The following SLC2A9 variants were observed in gnomAD, a reference collection of about 807,000 sequenced individuals.
SLC2A9 encodes the protein solute carrier family 2, facilitated glucose transporter member 9.
A neutral mutation model predicts 50.6 loss-of-function variants in SLC2A9; 39 were observed. The ratio of observed to expected loss-of-function variants is 0.77; its 90% CI spans 0.60 to 1.01. The LOEUF is 1.01. Ranked by LOEUF, SLC2A9 falls within the 50% of genes least tolerant of loss-of-function variation. The pLI, the probability that SLC2A9 is intolerant of heterozygous loss-of-function variation, is 0.00. For synonymous variants in SLC2A9, 324 were observed against 276.9 expected, an observed-to-expected ratio of 1.17 and a Z score of -1.69; for missense variants, 686 against 677.6, an observed-to-expected ratio of 1.01 and a Z score of -0.14.
At chr4:9,847,572 G>A (rs766061952) in intron 10 of SLC2A9, among the ~76,000 whole-genome samples, 2 of 152,130 alleles carry the variant, frequency 1.3e-5, no homozygotes, top group East Asian at 1.9e-4. Context: ...GTGTTTGCTG[G>A]GAACGGACTA....
chr4:9,969,915 C>G (rs116585088), intron 5 of SLC2A9, among the ~76,000 whole-genome samples: 2,345 of 152,356 alleles, frequency 0.015, 31 homozygotes, highest in South Asian at 0.053. Context: ...CAAACCATAT[C>G]ACCTCTCATA....
intron 4 of SLC2A9, 124 bp downstream of exon 4, chr4:9,985,545 G>C (rs1423743783): frequency 7.6e-7 from 1 of 1,309,244 alleles, no homozygotes; most frequent in Non-Finnish European, 1.1e-6. Flanking sequence ...CAGCATCCTT[G>C]GTCCCTGCCA....
chr4:9,850,610 G>A (rs1055482878), intron 10 of SLC2A9, among the ~76,000 whole-genome samples: 2 of 152,006 alleles, frequency 1.3e-5, no homozygotes, highest in Admixed American at 6.6e-5. Context: ...TCAGACCATC[G>A]AAGAACTCTA....
At chr4:9,866,325 A>G (rs1732462619) in intron 10 of SLC2A9, among the ~76,000 whole-genome samples, 2 of 152,142 alleles carry the variant, frequency 1.3e-5, no homozygotes, top group South Asian at 2.1e-4. Context: ...CCAATATGTT[A>G]ATCCACACAA....
rs766206123 is a variant in SLC2A9, at chr4:9,826,438, C to T, written c.1582G>A (p.Asp528Asn). ...NKAYPPEEKI[D>N]SAVTDGKING... ...ATCTTACCATCAGTGACAGCTGAGT[C>T]GATTTTCTCTTCTGGTGGGTATGCT... Residue 528 changes from aspartate to asparagine, a missense_variant, in exon 12 of 12, where the codon GAC becomes AAC. Transcript: ENST00000264784. 1.1e-5 allele frequency: 17 copies of T among 1,614,044 alleles called. No homozygotes were observed. Among genetic ancestry groups the T allele is most frequent in the East Asian group, 6.7e-5 (3 of 44,872 alleles).
intron 10 of SLC2A9, among the ~76,000 whole-genome samples, chr4:9,868,690 AC>A (rs1459422635): frequency 2.6e-5 from 4 of 152,014 alleles, no homozygotes; most frequent in Non-Finnish European, 5.9e-5. Flanking sequence ...CACCCCAGGA[AC>A]CCCCATACCT....
intron 6 of SLC2A9, among the ~76,000 whole-genome samples, chr4:9,938,320 G>A (rs1336607542): frequency 2.1e-5 from 3 of 141,936 alleles, no homozygotes; most frequent in African/African-American, 8.0e-5. Context: ...TGCCCAGGCT[G>A]GAGTGCAGTG....
rs983451714 is a variant in SLC2A9, at chr4:9,894,175, G to T, written c.1114-3464C>A. ...TGTTATTTATACTACTGGGGAAATA[G>T]AAATAATCTAGAAATCCACCAACAA... On this transcript the variant is annotated intron_variant, in intron 8 of 11. Transcript: ENST00000264784. 7.9e-5 allele frequency among the ~76,000 whole-genome samples: 12 copies of T among 152,264 alleles called. No homozygotes were observed. In the East Asian group the frequency reaches 1.9e-3, roughly 24 times the overall value.
At chr4:10,021,586 A>AT, upstream of SLC2A9, 1 of 1,100,520 alleles carries the variant, frequency 9.1e-7, no homozygotes, top group Non-Finnish European at 1.3e-6. Context: ...ACGGGGCAAC[A>AT]TTTTTTTCTC....
At chr4:9,857,541 T>C (rs527401789) in intron 10 of SLC2A9, among the ~76,000 whole-genome samples, 122 of 152,288 alleles carry the variant, frequency 8.0e-4, no homozygotes, top group African/African-American at 2.8e-3. Context: ...GCAGAGGCTT[T>C]TGTTGGCTTT....
chr4:9,874,089 TG>T (rs769175201), intron 10 of SLC2A9, among the ~76,000 whole-genome samples: 16 of 152,206 alleles, frequency 1.1e-4, no homozygotes, highest in Non-Finnish European at 2.2e-4. Context: ...TGATGTCCCC[TG>T]AGGCCCTTTT....
intron 2 of SLC2A9, among the ~76,000 whole-genome samples, chr4:10,014,966 T>G (rs1045071459): frequency 1.3e-5 from 2 of 152,202 alleles, no homozygotes; most frequent in African/African-American, 2.4e-5. Flanking sequence ...TGGGGAATGA[T>G]TCTAGCTAAT....
downstream of SLC2A9, among the ~76,000 whole-genome samples, chr4:9,797,708 T>G (rs1405035983): frequency 2.0e-5 from 3 of 152,212 alleles, no homozygotes; most frequent in Non-Finnish European, 2.9e-5. Context: ...TCCTGAAAAC[T>G]TCTCTGATTC....
intron 6 of SLC2A9, among the ~76,000 whole-genome samples, chr4:9,922,517 T>C (rs768617636): frequency 3.3e-5 from 5 of 152,180 alleles, no homozygotes; most frequent in Admixed American, 6.5e-5. Context: ...AAAGCTTCAA[T>C]TTAACCTTCC....
chr4:9,857,287 G>A (rs1262699063), intron 10 of SLC2A9, among the ~76,000 whole-genome samples: 1 of 152,140 alleles, frequency 6.6e-6, no homozygotes, highest in Admixed American at 6.5e-5. Context: ...GCATTTGTTT[G>A]TTCATTCAGT....
intron 5 of SLC2A9, among the ~76,000 whole-genome samples, chr4:9,946,714 C>T (rs544260640): frequency 6.6e-6 from 1 of 152,306 alleles, no homozygotes; most frequent in East Asian, 1.9e-4. Context: ...AAGTGTGTTA[C>T]AAATGTAACC....
chr4:9,858,038 G>A (rs1419200255), intron 10 of SLC2A9, among the ~76,000 whole-genome samples: 1 of 152,222 alleles, frequency 6.6e-6, no homozygotes, highest in Non-Finnish European at 1.5e-5. Flanking sequence ...AATCAGAGCA[G>A]TTGGTCACTC....
intron 8 of SLC2A9, among the ~76,000 whole-genome samples, chr4:9,897,040 G>C (rs1056532599): frequency 6.6e-6 from 1 of 152,146 alleles, no homozygotes; most frequent in Non-Finnish European, 1.5e-5. Context: ...TGGGGTAGGT[G>C]CTGTTATCAT....
Position 9,977,277 on chromosome 4 carries a change from G to GT in SLC2A9, c.681+3314dup, listed in dbSNP as rs532804589. On this transcript the variant is annotated intron_variant, in intron 5 of 11. Transcript: ENST00000264784. ...GCTAGACCCAGCCCACAGGTGGGAC[G>GT]TTTTTTGTTTTTTAAAGGTCAGTTT... Among the ~76,000 whole-genome samples the GT allele has an allele frequency of 1.6e-4, 25 of 152,194 alleles. No homozygotes were observed. In the East Asian group the frequency reaches 3.9e-3, roughly 24 times the overall value.
Sources: allele counts gnomAD v4.1 joint callset (sites outside exome capture counted in the v4.1 genomes callset), GRCh38; gene constraint gnomAD v4.1.1; transcripts MANE v1.5; gene names NCBI Gene and HGNC (gene_info 2026-07-23, HGNC 2026-07-21).